Variants in LOC128462377 observed in about 807,000 individuals in gnomAD.
At chr16:89,366,797 G>A in the LOC128462377 span, among the ~76,000 whole-genome samples, 1 of 152,206 alleles carries the variant, frequency 6.6e-6, no homozygotes, top group South Asian at 2.1e-4. Context: ...GGGCACCCAG[G>A]GCAGGGGTCA....
At chr16:89,334,337 G>T in the LOC128462377 span, among the ~76,000 whole-genome samples, 1 of 151,890 alleles carries the variant, frequency 6.6e-6, no homozygotes, top group African/African-American at 2.4e-5. Flanking sequence ...TCTGAAGTTG[G>T]TGACATGTGA....
At chr16:89,345,137 A>C in the LOC128462377 span, among the ~76,000 whole-genome samples, 1 of 152,210 alleles carries the variant, frequency 6.6e-6, no homozygotes, top group African/African-American at 2.4e-5. Flanking sequence ...AGCATCCACC[A>C]GGAAATGGAA....
the LOC128462377 span, among the ~76,000 whole-genome samples, chr16:89,344,222 A>C: frequency 2.0e-5 from 3 of 152,146 alleles, no homozygotes; most frequent in East Asian, 5.8e-4. Context: ...TTAACGATCC[A>C]TTTCAAATTA....
At chr16:89,320,295 G>C in the LOC128462377 span, 6 of 152,374 alleles carry the variant, frequency 3.9e-5, no homozygotes, top group East Asian at 1.2e-3. Flanking sequence ...CTCTTCCCTG[G>C]AAGGTGACTT....
At chr16:89,367,722 C>T in the LOC128462377 span, among the ~76,000 whole-genome samples, 12 of 152,238 alleles carry the variant, frequency 7.9e-5, no homozygotes, top group South Asian at 2.1e-4. Context: ...GAGTACAGCT[C>T]CACGCATCCC....
At chr16:89,332,897 C>T in the LOC128462377 span, among the ~76,000 whole-genome samples, 13 of 152,214 alleles carry the variant, frequency 8.5e-5, no homozygotes, top group African/African-American at 2.9e-4. Flanking sequence ...TGTTTTTTAA[C>T]GCAAGGGTCC....
At chr16:89,405,664 A>C in the LOC128462377 span, among the ~76,000 whole-genome samples, 1 of 151,850 alleles carries the variant, frequency 6.6e-6, no homozygotes, top group East Asian at 1.9e-4. Flanking sequence ...AGCCTTCCTG[A>C]CTGCTGCAGA....
chr16:89,399,453 G>T, the LOC128462377 span, among the ~76,000 whole-genome samples: 1 of 152,218 alleles, frequency 6.6e-6, no homozygotes, highest in Non-Finnish European at 1.5e-5. Context: ...TCCAGGAAAG[G>T]GCAAAACCGT....
the LOC128462377 span, among the ~76,000 whole-genome samples, chr16:89,358,251 G>A: frequency 3.3e-5 from 5 of 152,356 alleles, no homozygotes; most frequent in East Asian, 7.7e-4. Context: ...GCATGGAGCT[G>A]TGCCGGCTTG....
the LOC128462377 span, chr16:89,370,885 C>G: frequency 6.6e-6 from 1 of 152,516 alleles, no homozygotes; most frequent in Non-Finnish European, 1.5e-5. Context: ...CCATTCACCC[C>G]ACGGCACTCA....
the LOC128462377 span, among the ~76,000 whole-genome samples, chr16:89,321,698 C>T: frequency 1.1e-4 from 17 of 150,858 alleles, no homozygotes; most frequent in African/African-American, 4.1e-4. Flanking sequence ...TCTTAAAACT[C>T]ACAGAAAAAA....
the LOC128462377 span, among the ~76,000 whole-genome samples, chr16:89,374,203 A>G: frequency 4.6e-5 from 7 of 152,210 alleles, no homozygotes; most frequent in Non-Finnish European, 1.0e-4. Context: ...CATTAATATC[A>G]GACTTCAAAG....
the LOC128462377 span, among the ~76,000 whole-genome samples, chr16:89,352,890 C>G: frequency 6.6e-6 from 1 of 152,200 alleles, no homozygotes; most frequent in East Asian, 1.9e-4. Flanking sequence ...ACGGCTTGTT[C>G]TACTTCACGG....
At chr16:89,385,988 C>T in the LOC128462377 span, among the ~76,000 whole-genome samples, 1 of 152,248 alleles carries the variant, frequency 6.6e-6, no homozygotes, top group Non-Finnish European at 1.5e-5. Context: ...TCAAGCCGGC[C>T]TCCCGCTCAG....
the LOC128462377 span, among the ~76,000 whole-genome samples, chr16:89,342,981 TAA>T: frequency 6.6e-6 from 1 of 152,188 alleles, no homozygotes; most frequent in Non-Finnish European, 1.5e-5. Context: ...CACAAACCAA[TAA>T]AGACTATGTA....
chr16:89,326,842 C>T, the LOC128462377 span, among the ~76,000 whole-genome samples: 51 of 152,342 alleles, frequency 3.3e-4, no homozygotes, highest in African/African-American at 1.2e-3. Context: ...AGGGGCTTAA[C>T]ACAAAGCCTG....
At chr16:89,336,751 T>G in the LOC128462377 span, among the ~76,000 whole-genome samples, 1 of 152,156 alleles carries the variant, frequency 6.6e-6, no homozygotes, top group Admixed American at 6.5e-5. Context: ...CTGCTTCTAA[T>G]GTTCTGACTA....
At chr16:89,341,006 C>G in the LOC128462377 span, among the ~76,000 whole-genome samples, 1 of 152,262 alleles carries the variant, frequency 6.6e-6, no homozygotes, top group African/African-American at 2.4e-5. Context: ...GACTCACCAA[C>G]ACACCCAGAA....
At chr16:89,414,487 A>G in the LOC128462377 span, among the ~76,000 whole-genome samples, 2 of 152,214 alleles carry the variant, frequency 1.3e-5, no homozygotes, top group African/African-American at 2.4e-5. Flanking sequence ...AGCTTCAACT[A>G]CTTTTATACT....
Sources: gnomAD v4.1 joint callset for allele counts (sites outside exome capture counted in the v4.1 genomes callset) on GRCh38, gnomAD v4.1.1 for gene constraint, MANE v1.5 for transcripts.